NAA15: variants seen among roughly 807,000 people sequenced by gnomAD.
NAA15 encodes the protein N-terminal acetyltransferase.
Under a neutral mutation model 114.0 loss-of-function variants are expected in NAA15, and 34 were observed. The observed-to-expected ratio is 0.30, with a 90% confidence interval of 0.23 to 0.40. The LOEUF is 0.40. NAA15 is among the 10% of genes least tolerant of loss of function. NAA15 has a pLI of 1.00. For synonymous variants in NAA15, 340 were observed against 338.0 expected, an observed-to-expected ratio of 1.01 and a Z score of -0.06; for missense variants, 658 against 1,004.5, an observed-to-expected ratio of 0.66 and a Z score of 4.66.
chr4:139,365,596 T>C (rs1748257049), intron 14 of NAA15, among the ~76,000 whole-genome samples: 1 of 151,964 alleles, frequency 6.6e-6, no homozygotes, highest in Non-Finnish European at 1.5e-5. Flanking sequence ...CCAGCACTTT[T>C]GGAGGCCAAG....
chr4:139,351,587 A>G lies in NAA15; in HGVS notation c.990A>G (p.Arg330=), dbSNP rs928770441. The G allele has an allele frequency of 1.3e-6, 2 of 1,573,946 alleles. No individual in the cohort carries two copies. The highest frequency in any genetic ancestry group is 1.1e-5 in the South Asian group (1 of 89,928). The change falls in exon 9 of 20, where the codon AGA becomes AGG. Residue 330 remains arginine (R), a synonymous_variant. Coordinates refer to ENST00000296543, the MANE Select transcript of NAA15 (RefSeq NM_057175.5). The part of the protein sequence containing the change: ...KGCPPVFNTL[R]SLYKDKEKVA... ...GCCCACCAGTCTTCAATACTTTAAG[A>G]TCATTATACAAAGACAAAGAAAAGG...
chr4:139,311,402 A>G (rs1746220491), intron 1 of NAA15, among the ~76,000 whole-genome samples: 1 of 152,016 alleles, frequency 6.6e-6, no homozygotes, highest in Non-Finnish European at 1.5e-5. Flanking sequence ...GTGTGCTTGC[A>G]TAAATTTTTG....
chr4:139,324,106 A>T (rs1056498556), intron 1 of NAA15, among the ~76,000 whole-genome samples: 1 of 151,784 alleles, frequency 6.6e-6, no homozygotes, highest in Non-Finnish European at 1.5e-5. Flanking sequence ...GTTGTCTGGA[A>T]CTCCTGCTCA....
chr4:139,381,065 C>T (rs1476005107), intron 17 of NAA15, among the ~76,000 whole-genome samples: 8 of 152,114 alleles, frequency 5.3e-5, no homozygotes, highest in East Asian at 3.8e-4. Context: ...TCATCAGTTG[C>T]GGAAGCTTTG....
intron 1 of NAA15, among the ~76,000 whole-genome samples, chr4:139,304,593 T>A (rs1182986478): frequency 6.6e-6 from 1 of 152,258 alleles, no homozygotes; most frequent in Non-Finnish European, 1.5e-5. Context: ...TTATAATACC[T>A]AATGCAATAT....
chr4:139,340,837 C>G, intron 3 of NAA15, 75 bp from the exon 4 acceptor site: 2 of 1,201,448 alleles, frequency 1.7e-6, no homozygotes, highest in Non-Finnish European at 2.2e-6. Flanking sequence ...GGCTGTGGTT[C>G]TCCAAGTTTT....
intron 14 of NAA15, 113 bp from the exon 15 acceptor site, chr4:139,370,098 C>T (rs1748393275): frequency 1.1e-6 from 1 of 897,972 alleles, no homozygotes; most frequent in African/African-American, 1.7e-5. Flanking sequence ...AGACGCCATG[C>T]CCAGCCTCAT....
chr4:139,334,045 T>TGG, intron 1 of NAA15, 129 bp from the exon 2 acceptor site: 1 of 618,686 alleles, frequency 1.6e-6, no homozygotes, highest in Admixed American at 3.7e-5. Flanking sequence ...TTATTGGCAT[T>TGG]TTACCGAGAT....
intron 4 of NAA15, among the ~76,000 whole-genome samples, chr4:139,341,575 CAG>C (rs1218921198): frequency 5.9e-5 from 5 of 85,132 alleles, no homozygotes; most frequent in African/African-American, 2.4e-4. Flanking sequence ...GCCTGGGTAA[CAG>C]AGCGAAACTC....
intron 1 of NAA15, among the ~76,000 whole-genome samples, chr4:139,328,573 C>CTT (rs56025831): frequency 0.13 from 16,976 of 132,312 alleles, 1,350 homozygotes; most frequent in Non-Finnish European, 0.18. Flanking sequence ...TCTTTCTTTT[C>CTT]TTTTTTTTTT....
intron 1 of NAA15, among the ~76,000 whole-genome samples, chr4:139,324,223 A>G (rs1366702650): frequency 1.3e-5 from 2 of 152,198 alleles, no homozygotes; most frequent in East Asian, 1.9e-4. Context: ...CATTGTTTCT[A>G]TAGCAGAGTG....
chr4:139,354,156 A>AT (rs1747868605), intron 10 of NAA15, 58 bp downstream of exon 10: 1 of 1,387,452 alleles, frequency 7.2e-7, no homozygotes, highest in Non-Finnish European at 1.0e-6. Context: ...ACATTGTGAA[A>AT]TTCTTAATCA....
chr4:139,355,165 C>T (rs1747907158), intron 10 of NAA15, among the ~76,000 whole-genome samples: 1 of 152,190 alleles, frequency 6.6e-6, no homozygotes, highest in African/African-American at 2.4e-5. Context: ...AGGCATGAGC[C>T]ACCACGCCTG....
chr4:139,341,231 A>C (rs937931183), intron 4 of NAA15, among the ~76,000 whole-genome samples, 162 bp downstream of exon 4: 2 of 151,900 alleles, frequency 1.3e-5, no homozygotes, highest in African/African-American at 4.8e-5. Flanking sequence ...GAATAATCAG[A>C]TCTTTAAAAA....
chr4:139,336,994 T>C, intron 3 of NAA15, 42 bp downstream of exon 3: 1 of 1,325,990 alleles, frequency 7.5e-7, no homozygotes, highest in Non-Finnish European at 1.0e-6. Context: ...GTGGGGTGTT[T>C]TGAGCTAAGG....
intron 17 of NAA15, among the ~76,000 whole-genome samples, chr4:139,382,759 T>A (rs1157202557): frequency 6.6e-6 from 1 of 152,202 alleles, no homozygotes; most frequent in Admixed American, 6.5e-5. Context: ...TCACTATAGC[T>A]CATTTACTTG....
intron 1 of NAA15, among the ~76,000 whole-genome samples, chr4:139,306,853 C>T (rs1451091409): frequency 6.6e-6 from 1 of 152,140 alleles, no homozygotes. Context: ...TGGACATATC[C>T]TAATGCCTTT....
chr4:139,385,718 T>A (rs1313706838), intron 18 of NAA15, among the ~76,000 whole-genome samples: 1 of 152,206 alleles, frequency 6.6e-6, no homozygotes, highest in Admixed American at 6.5e-5. Flanking sequence ...TGTGGAATCC[T>A]GAATTCAGCA....
chr4:139,347,981 G>A (rs1306577189), intron 6 of NAA15, among the ~76,000 whole-genome samples: 6 of 149,606 alleles, frequency 4.0e-5, no homozygotes, highest in Admixed American at 2.0e-4. Flanking sequence ...GCAGTGAGCC[G>A]AGATTGCGCC....
Sources: gnomAD v4.1 joint callset for allele counts (sites outside exome capture counted in the v4.1 genomes callset) on GRCh38, gnomAD v4.1.1 for gene constraint, MANE v1.5 for transcripts, NCBI Gene and HGNC (gene_info 2026-07-23, HGNC 2026-07-21) for gene names.